Variants in PMPCB observed in about 807,000 individuals in gnomAD.
PMPCB encodes peptidase, mitochondrial processing subunit beta.
In PMPCB, 46 loss-of-function variants were observed where a neutral mutation model predicts 61.5. The ratio of observed to expected loss-of-function variants is 0.75; its 90% CI spans 0.59 to 0.96. PMPCB has a LOEUF of 0.96. Ranked by LOEUF, PMPCB falls within the 40% of genes least tolerant of loss-of-function variation. PMPCB has a pLI of 0.00. For missense variants in PMPCB, 590 were observed against 602.4 expected (o/e 0.98, Z 0.22); for synonymous variants, 191 against 201.6 (o/e 0.95, Z 0.44).
downstream of PMPCB, among the ~76,000 whole-genome samples, chr7:103,330,539 G>A (rs190664104): frequency 1.0e-3 from 153 of 152,162 alleles, 1 homozygote; most frequent in Non-Finnish European, 9.7e-4. Context: ...TGAAACCTCC[G>A]CCTCCTGGGT....
rs553478071 is a variant in PMPCB, at chr7:103,306,778, CAG to C, written c.737-815_737-814del. On this transcript the variant is annotated intron_variant, in intron 6 of 12. Transcript: ENST00000249269. ...TATTTAATTTTATTTATTTTAGAGA[CAG>C]AGTCTTGCTCTGTCACCCAAGTTGG... is the stretch of plus-strand genomic sequence containing the variant. 1.3e-3 allele frequency among the ~76,000 whole-genome samples: 193 copies of C among 152,220 alleles called. 3 individuals are homozygous for C. The highest frequency in any genetic ancestry group is 6.9e-3 in the Admixed American group (105 of 15,296).
rs762974923 is a variant in PMPCB, at chr7:103,303,843, T to C, written c.459T>C (p.Ala153=). 6.3e-7 allele frequency: 1 copy of C among 1,596,946 alleles called. No homozygotes were observed. Among genetic ancestry groups the C allele is most frequent in the Admixed American group, 1.7e-5 (1 of 57,640 alleles). The part of the protein sequence containing the change: ...AKAFSKDLPR[A]VEILADIIQN... ...TTCTTATATTTTATTTTCAATTAGC[T>C]GTAGAAATTCTTGCTGATATAATAC... Residue 153 remains alanine (A), a splice_region_variant and synonymous_variant, in exon 5 of 13, where the codon GCT becomes GCC. Coordinates refer to ENST00000249269, the MANE Select transcript of PMPCB (RefSeq NM_004279.3).
chr7:103,327,646 A>T (rs1438632090), intron 12 of PMPCB: 2 of 1,549,208 alleles, frequency 1.3e-6, no homozygotes, highest in Non-Finnish European at 8.9e-7. Context: ...ACTCTAAAGC[A>T]TTTTCTTACC....
At chr7:103,311,407 T>C (rs1817747078) in intron 9 of PMPCB, 2 of 531,190 alleles carry the variant, frequency 3.8e-6, no homozygotes, top group African/African-American at 3.9e-5. Flanking sequence ...TTTCTGAAAA[T>C]GTGATCAGCC....
chr7:103,328,549 T>G (rs1259685291), intron 12 of PMPCB, among the ~76,000 whole-genome samples: 2 of 152,070 alleles, frequency 1.3e-5, no homozygotes, highest in Non-Finnish European at 1.5e-5. Flanking sequence ...AAGAATCGCT[T>G]GAACCCATGA....
chr7:103,347,184 C>T, the PMPCB span, among the ~76,000 whole-genome samples: 1 of 152,192 alleles, frequency 6.6e-6, no homozygotes, highest in Admixed American at 6.5e-5. Context: ...ACCCAAGGGT[C>T]ATCCTTTCCA....
chr7:103,338,139 G>GT, the PMPCB span, among the ~76,000 whole-genome samples: 1 of 151,970 alleles, frequency 6.6e-6, no homozygotes, highest in African/African-American at 2.4e-5. Flanking sequence ...GTGTGGTGGT[G>GT]TGCACCTGTA....
chr7:103,327,773 T>C, intron 12 of PMPCB: 2 of 1,552,050 alleles, frequency 1.3e-6, no homozygotes, highest in Non-Finnish European at 1.8e-6. Flanking sequence ...CCAGTCAGAT[T>C]GAGATAATTT....
chr7:103,307,810 GAAT>G, intron 7 of PMPCB, 102 bp downstream of exon 7: 1 of 679,520 alleles, frequency 1.5e-6, no homozygotes, highest in Non-Finnish European at 2.6e-6. Flanking sequence ...GAAAAGAATG[GAAT>G]AATAGGAAAA....
the PMPCB span, among the ~76,000 whole-genome samples, chr7:103,343,038 T>C: frequency 2.6e-5 from 4 of 151,352 alleles, no homozygotes; most frequent in Non-Finnish European, 5.9e-5. Context: ...TTGCTCTTGT[T>C]GTCCAGGCTG....
chr7:103,346,153 G>A, the PMPCB span, among the ~76,000 whole-genome samples: 1 of 151,880 alleles, frequency 6.6e-6, no homozygotes, highest in Non-Finnish European at 1.5e-5. Context: ...TCTTTTCTGA[G>A]ACAGAGGCTT....
At chr7:103,310,502 A>G in intron 9 of PMPCB, 27 bp downstream of exon 9, 1 of 1,559,228 alleles carries the variant, frequency 6.4e-7, no homozygotes, top group Non-Finnish European at 8.7e-7. Context: ...TAAGTAATTT[A>G]AATTTTGCCT....
At chr7:103,331,376 G>C (rs1169149291), downstream of PMPCB, among the ~76,000 whole-genome samples, 1 of 152,160 alleles carries the variant, frequency 6.6e-6, no homozygotes, top group African/African-American at 2.4e-5. Flanking sequence ...TTCAAGTTCT[G>C]TCTTCTAGCT....
At chr7:103,309,529 G>A (rs543094907) in intron 8 of PMPCB, among the ~76,000 whole-genome samples, 14 of 152,162 alleles carry the variant, frequency 9.2e-5, no homozygotes, top group African/African-American at 3.4e-4. Flanking sequence ...TATTTACATA[G>A]CATTTACATG....
chr7:103,312,635 G>T lies in PMPCB; in HGVS notation c.*364G>T, dbSNP rs1196636352. On this transcript the variant is annotated 3_prime_UTR_variant, in exon 13 of 13. Transcript: ENST00000249269. ...CAGCTTTCTTTGCTTTTACCATCTCGACAAGTTCCTAGGAAGGGAGAAAGG... is the reference window on the plus strand; with the variant it reads ...CAGCTTTCTTTGCTTTTACCATCTCTACAAGTTCCTAGGAAGGGAGAAAGG... 5 of 1,612,952 alleles carry T rather than the reference G, an allele frequency of 3.1e-6. No homozygotes were observed. The highest frequency in any genetic ancestry group is 2.7e-5 in the African/African-American group (2 of 74,870).
chr7:103,339,495 A>C, the PMPCB span, among the ~76,000 whole-genome samples: 1 of 152,040 alleles, frequency 6.6e-6, no homozygotes, highest in Non-Finnish European at 1.5e-5. Flanking sequence ...ATCCTACTTC[A>C]TCACTTCCTA....
At chr7:103,315,770 A>C (rs750914932), downstream of PMPCB, 19 of 1,612,934 alleles carry the variant, frequency 1.2e-5, no homozygotes, top group Admixed American at 1.7e-5. Context: ...TTACCTTCAA[A>C]TCGTTCTGAA....
chr7:103,304,362 T>TC (rs780876272), intron 5 of PMPCB, 49 bp from the exon 6 acceptor site: 33 of 1,040,600 alleles, frequency 3.2e-5, no homozygotes, highest in Middle Eastern at 2.4e-4. Flanking sequence ...TATGTGAAGA[T>TC]CTGTTTTTTT....
At position 103,303,948 on chromosome 7, in the gene PMPCB, T is replaced by C. The variant is rs764725251; in HGVS notation, c.564T>C (p.Asn188=). 9.9e-6 allele frequency: 16 copies of C among 1,613,670 alleles called. No individual in the cohort carries two copies. The South Asian group carries it at 1.6e-4, about 17-fold the overall frequency. Residue 188 remains asparagine, a synonymous_variant, in exon 5 of 13, where the codon AAT becomes AAC. Transcript: ENST00000249269. The stretch of plus-strand genomic sequence containing the variant: ...GAGAGATGCAGGAAGTTGAAACCAA[T>C]TTACAAGAAGTTGTTTTTGATTATC... The part of the protein sequence containing the change: ...ILREMQEVET[N]LQEVVFDYLH...
Sources: allele counts gnomAD v4.1 joint callset (sites outside exome capture counted in the v4.1 genomes callset), GRCh38; gene constraint gnomAD v4.1.1; transcripts MANE v1.5; gene names NCBI Gene and HGNC (gene_info 2026-07-23, HGNC 2026-07-21).